NSRP1: variants seen among roughly 807,000 people sequenced by gnomAD.
The protein encoded by NSRP1 is coiled-coil domain containing 55.
In NSRP1, 24 loss-of-function variants were observed where a neutral mutation model predicts 54.7. That is an observed-to-expected ratio of 0.44 (90% CI 0.32 to 0.62). NSRP1 has a LOEUF of 0.62. Ranked by LOEUF, NSRP1 falls within the 20% of genes least tolerant of loss-of-function variation. The pLI is 0.06. For synonymous variants in NSRP1, 210 were observed against 213.8 expected (o/e 0.98, Z 0.15); for missense variants, 596 against 651.2 (o/e 0.92, Z 0.92).
At chr17:30,144,260 A>C (rs866718763) in intron 2 of NSRP1, 1 of 143,032 alleles carries the variant, frequency 7.0e-6, no homozygotes, top group Non-Finnish European at 1.5e-5. Flanking sequence ...TATTATTATT[A>C]TTATTATTAT....
chr17:30,167,305 T>A (rs1904767825), intron 2 of NSRP1, among the ~76,000 whole-genome samples: 1 of 152,164 alleles, frequency 6.6e-6, no homozygotes, highest in Admixed American at 6.5e-5. Context: ...GTAAAAAGAC[T>A]TGACCTTTAA....
chr17:30,150,925 T>C (rs1222235611), intron 2 of NSRP1, among the ~76,000 whole-genome samples: 1 of 151,970 alleles, frequency 6.6e-6, no homozygotes, highest in Non-Finnish European at 1.5e-5. Context: ...TGACCTTAGG[T>C]GATCTGCTCA....
In NSRP1 at chr17:30,125,354, A is replaced by AC. The variant is rs1235537509; in HGVS notation, c.114+7183dup. Among the ~76,000 whole-genome samples the AC allele has an allele frequency of 5.9e-5, 9 of 152,334 alleles. No individual in the cohort carries two copies. The South Asian group carries it at 1.0e-3, about 18-fold the overall frequency. On this transcript the variant is annotated intron_variant, in intron 2 of 6. Transcript: ENST00000247026. Reference sequence around the variant, plus strand: ...CCCTCCTGAGGAAAGCATTTGATACACCTGGAAAGGAGCTGCTATGAAGCC... The same window carrying AC: ...CCCTCCTGAGGAAAGCATTTGATACACCCTGGAAAGGAGCTGCTATGAAGCC...
At chr17:30,137,413 G>A (rs1417394825) in intron 2 of NSRP1, among the ~76,000 whole-genome samples, 1 of 152,148 alleles carries the variant, frequency 6.6e-6, no homozygotes, top group Admixed American at 6.5e-5. Context: ...CTGTATCTGA[G>A]CAAAACTTCA....
intron 2 of NSRP1, chr17:30,163,241 G>A (rs1904598157): frequency 7.6e-6 from 1 of 130,862 alleles, no homozygotes; most frequent in African/African-American, 3.5e-5. Context: ...GTGTGTGTGT[G>A]TGTGTGTTTT....
At chr17:30,122,351 T>TATATATATA (rs1567788455) in intron 2 of NSRP1, 39 of 48,322 alleles carry the variant, frequency 8.1e-4, no homozygotes, top group African/African-American at 3.3e-3. Flanking sequence ...AACTCTGGTT[T>TATATATATA]CATATATATA....
chr17:30,175,551 A>G (rs539507295), intron 3 of NSRP1, among the ~76,000 whole-genome samples: 3 of 152,088 alleles, frequency 2.0e-5, no homozygotes, highest in South Asian at 2.1e-4. Flanking sequence ...TTTCTGCCTT[A>G]GCCTCCTGAT....
chr17:30,141,150 CTT>C (rs1192965066), intron 2 of NSRP1, among the ~76,000 whole-genome samples: 3 of 152,156 alleles, frequency 2.0e-5, no homozygotes, highest in Non-Finnish European at 4.4e-5. Flanking sequence ...TGTCCGCTGT[CTT>C]TTAGTTTTCT....
At chr17:30,138,752 G>C (rs1161810392) in intron 2 of NSRP1, among the ~76,000 whole-genome samples, 2 of 151,946 alleles carry the variant, frequency 1.3e-5, no homozygotes, top group East Asian at 3.8e-4. Context: ...TTTCAGTCTT[G>C]AGGAACCACC....
At position 30,145,342 on chromosome 17, in the gene NSRP1, T is replaced by A. The variant is rs150750145; in HGVS notation, c.114+27169T>A. On this transcript the variant is annotated intron_variant, in intron 2 of 6. Transcript: ENST00000247026. ...TCACACCTCTCTAATCCCAGCACTT[T>A]GGGAGGCCAAGGTGGGCGGATCACG... is the stretch of plus-strand genomic sequence containing the variant. Among the ~76,000 whole-genome samples, 914 of 152,262 alleles carry A rather than the reference T, an allele frequency of 6.0e-3. 4 individuals carry two copies. The highest frequency in any genetic ancestry group is 0.021 in the African/African-American group (880 of 41,548).
intron 2 of NSRP1, among the ~76,000 whole-genome samples, chr17:30,127,275 C>T (rs1211074025): frequency 6.6e-6 from 1 of 152,086 alleles, no homozygotes; most frequent in African/African-American, 2.4e-5. Flanking sequence ...AAATGCCTGC[C>T]CATTTTGCAG....
Position 30,178,039 on chromosome 17 carries a change from T to C in NSRP1, c.172-32T>C, listed in dbSNP as rs373178928. 4 of 1,609,344 alleles carry C rather than the reference T, an allele frequency of 2.5e-6. No homozygotes were observed. In the African/African-American group the frequency reaches 5.4e-5, roughly 22 times the overall value. ...TTTGTTGTATCTATTGGCTGGCTCA[T>C]ATTTTTGAAACATGTTTAATTTTTT... On this transcript the variant is annotated intron_variant, in intron 3 of 6. Coordinates refer to ENST00000247026, the MANE Select transcript of NSRP1 (RefSeq NM_032141.4).
chr17:30,119,636 G>A (rs2071579498), intron 2 of NSRP1, among the ~76,000 whole-genome samples: 1 of 152,128 alleles, frequency 6.6e-6, no homozygotes, highest in Non-Finnish European at 1.5e-5. Flanking sequence ...CTGAGTAGCA[G>A]GGATTACAGG....
intron 2 of NSRP1, chr17:30,144,260 A>ATTTTTTTTTTTT (rs1221600247): frequency 7.0e-6 from 1 of 143,032 alleles, no homozygotes; most frequent in African/African-American, 2.6e-5. Context: ...TATTATTATT[A>ATTTTTTTTTTTT]TTATTATTAT....
chr17:30,117,767 T>TG (rs2071555110), intron 1 of NSRP1, among the ~76,000 whole-genome samples: 2 of 152,150 alleles, frequency 1.3e-5, no homozygotes, highest in African/African-American at 4.8e-5. Context: ...ATGTTTTTTT[T>TG]TTTTTTTTTT....
chr17:30,131,445 TATCTC>T (rs1055423424), intron 2 of NSRP1, among the ~76,000 whole-genome samples: 21 of 152,206 alleles, frequency 1.4e-4, no homozygotes, highest in African/African-American at 4.8e-4. Context: ...ATAAAGTAAA[TATCTC>T]AGTAAAGCAA....
chr17:30,160,059 A>G (rs1048822120), intron 2 of NSRP1, among the ~76,000 whole-genome samples: 1 of 152,072 alleles, frequency 6.6e-6, no homozygotes, highest in East Asian at 1.9e-4. Context: ...TGAGATGATC[A>G]TATGGTTTTT....
At chr17:30,165,419 G>C (rs1383136207) in intron 2 of NSRP1, among the ~76,000 whole-genome samples, 1 of 152,156 alleles carries the variant, frequency 6.6e-6, no homozygotes, top group Non-Finnish European at 1.5e-5. Flanking sequence ...ACTAACATTG[G>C]GAGAGGTTAG....
intron 3 of NSRP1, among the ~76,000 whole-genome samples, chr17:30,176,612 C>CG (rs148426322): frequency 9.9e-5 from 12 of 121,166 alleles, no homozygotes; most frequent in South Asian, 3.3e-4. Flanking sequence ...TTCGTCCCCC[C>CG]CCCCCCAAAA....
Sources: allele counts gnomAD v4.1 joint callset (sites outside exome capture counted in the v4.1 genomes callset), GRCh38; gene constraint gnomAD v4.1.1; transcripts MANE v1.5; gene names NCBI Gene and HGNC (gene_info 2026-07-23, HGNC 2026-07-21).